Variants in RUNDC3B observed in about 807,000 individuals in gnomAD.
RUNDC3B encodes the protein RUN domain-containing protein 3B.
Under a neutral mutation model 58.4 loss-of-function variants are expected in RUNDC3B, and 33 were observed. The ratio of observed to expected loss-of-function variants is 0.56; its 90% confidence interval spans 0.43 to 0.75. The LOEUF is 0.75. Among genes scored for constraint, RUNDC3B ranks in the 30% least tolerant of loss-of-function variants. RUNDC3B has a pLI of 0.00. For synonymous variants in RUNDC3B, 193 were observed against 195.2 expected (o/e 0.99, Z 0.10); for missense variants, 501 against 535.7 (o/e 0.94, Z 0.64).
chr7:87,678,666 A>G (rs991180459), intron 2 of RUNDC3B, among the ~76,000 whole-genome samples: 25 of 152,318 alleles, frequency 1.6e-4, no homozygotes, highest in Admixed American at 1.6e-3. Flanking sequence ...ACTGGGTAAA[A>G]AAAGGACTCA....
intron 2 of RUNDC3B, among the ~76,000 whole-genome samples, chr7:87,671,087 C>T (rs1373459657): frequency 3.9e-5 from 6 of 152,178 alleles, no homozygotes; most frequent in South Asian, 2.1e-4. Context: ...AGATATAGGT[C>T]AGCAGCCCCT....
At chr7:87,795,463 A>C (rs375911904) in intron 8 of RUNDC3B, among the ~76,000 whole-genome samples, 1 of 152,238 alleles carries the variant, frequency 6.6e-6, no homozygotes, top group Admixed American at 6.5e-5. Flanking sequence ...GCTTCTATCC[A>C]AAAGATAGGC....
Position 87,628,591 on chromosome 7 carries a change from GTGT to G in RUNDC3B, c.-232_-230del. 1.4e-5 allele frequency: 1 copy of G among 70,994 alleles called. No individual in the cohort carries two copies. The allele number at this position is 70,994 out of a possible 1,614,324, so 4.4% of individuals were successfully genotyped here. ...GGAGGTGGTGCGTGCGTGCGTGTGT[GTGT>G]GTGTGTGTGTGTGTGTGTGTGTGTG... is the stretch of plus-strand genomic sequence containing the variant. On this transcript the variant is annotated 5_prime_UTR_variant, in exon 1 of 11. Coordinates refer to ENST00000394654, the MANE Select transcript of RUNDC3B (RefSeq NM_001134405.2).
At chr7:87,793,336 A>G (rs188364284) in intron 8 of RUNDC3B, among the ~76,000 whole-genome samples, 65 of 152,192 alleles carry the variant, frequency 4.3e-4, no homozygotes, top group Admixed American at 7.2e-4. Context: ...TTCCAAATTC[A>G]TTCTGTGATA....
chr7:87,737,995 C>G (rs550932418), intron 4 of RUNDC3B, among the ~76,000 whole-genome samples: 2 of 151,978 alleles, frequency 1.3e-5, no homozygotes, highest in South Asian at 4.2e-4. Flanking sequence ...TACAAAGGTG[C>G]CATTAGAAAG....
chr7:87,773,275 A>T (rs1834386819), intron 7 of RUNDC3B, among the ~76,000 whole-genome samples: 2 of 149,830 alleles, frequency 1.3e-5, no homozygotes, highest in African/African-American at 4.9e-5. Context: ...GTGAGCGGAG[A>T]TCGCGCCACT....
intron 7 of RUNDC3B, among the ~76,000 whole-genome samples, chr7:87,773,322 C>G (rs1226405938): frequency 6.4e-4 from 37 of 58,172 alleles, no homozygotes; most frequent in Non-Finnish European, 1.1e-3. Context: ...GACTCCGTCT[C>G]AAAAAAAAAA....
chr7:87,708,221 T>C (rs1411470873), intron 3 of RUNDC3B, among the ~76,000 whole-genome samples: 2 of 152,190 alleles, frequency 1.3e-5, no homozygotes, highest in Admixed American at 6.5e-5. Flanking sequence ...TTTAAAAAGA[T>C]TAATGCAGTT....
chr7:87,709,384 G>T, intron 3 of RUNDC3B: 1 of 985,368 alleles, frequency 1.0e-6, no homozygotes, highest in South Asian at 4.7e-5. Flanking sequence ...CTACTGGCCA[G>T]CCAGTAGCTT....
chr7:87,743,378 T>C (rs1443957926), intron 6 of RUNDC3B, among the ~76,000 whole-genome samples: 1 of 152,232 alleles, frequency 6.6e-6, no homozygotes, highest in Non-Finnish European at 1.5e-5. Flanking sequence ...TTTAGTTCCT[T>C]AAGGAATCTC....
intron 2 of RUNDC3B, chr7:87,694,079 C>A (rs1828274219): frequency 2.0e-6 from 3 of 1,512,102 alleles, no homozygotes; most frequent in Non-Finnish European, 2.6e-6. Context: ...TTTTGTAAAG[C>A]CTTCTTTTTT....
chr7:87,780,775 AAGATAAGATGGATTGTGGGTATGT>A lies in RUNDC3B; in HGVS notation c.956+2823_956+2846del, dbSNP rs529008121. Among the ~76,000 whole-genome samples the A allele has an allele frequency of 3.2e-4, 48 of 152,286 alleles. No homozygotes were observed. In the East Asian group the frequency reaches 8.7e-3, roughly 28 times the overall value. On this transcript the variant is annotated intron_variant, in intron 8 of 10. Transcript: ENST00000394654. ...TTGCTTATTTTTGTCAACTTTGTCA[AAGATAAGATGGATTGTGGGTATGT>A]AGCTTTATTTCTAGGTTCTCTGTTC...
At chr7:87,765,646 G>A (rs1833938150) in intron 6 of RUNDC3B, among the ~76,000 whole-genome samples, 1 of 151,952 alleles carries the variant, frequency 6.6e-6, no homozygotes, top group African/African-American at 2.4e-5. Flanking sequence ...TTCCACTGTG[G>A]TCTGAGAAGA....
chr7:87,827,957 A>T (rs1837913991), intron 10 of RUNDC3B, among the ~76,000 whole-genome samples: 1 of 152,182 alleles, frequency 6.6e-6, no homozygotes, highest in Non-Finnish European at 1.5e-5. Context: ...GTTCCTGACC[A>T]TTCTGGGCAA....
intron 2 of RUNDC3B, among the ~76,000 whole-genome samples, chr7:87,690,890 A>T (rs530744275): frequency 1.1e-4 from 17 of 152,138 alleles, no homozygotes; most frequent in Non-Finnish European, 1.6e-4. Flanking sequence ...GTACATTTAT[A>T]TAAAGGTATC....
chr7:87,644,613 G>A (rs1313923232), intron 1 of RUNDC3B, among the ~76,000 whole-genome samples: 1 of 152,066 alleles, frequency 6.6e-6, no homozygotes, highest in East Asian at 1.9e-4. Context: ...TCCATATAAA[G>A]GGATATAACA....
chr7:87,787,942 G>A (rs1383077687), intron 8 of RUNDC3B, among the ~76,000 whole-genome samples: 4 of 152,118 alleles, frequency 2.6e-5, no homozygotes, highest in Non-Finnish European at 5.9e-5. Context: ...TTTGAGTTCT[G>A]ATTTCCAAAC....
At chr7:87,718,218 G>A (rs1830673788) in intron 4 of RUNDC3B, among the ~76,000 whole-genome samples, 3 of 152,146 alleles carry the variant, frequency 2.0e-5, no homozygotes, top group Non-Finnish European at 4.4e-5. Flanking sequence ...TCCTTTCCCT[G>A]TGGAATCATA....
intron 4 of RUNDC3B, among the ~76,000 whole-genome samples, chr7:87,720,650 A>T (rs12704367): frequency 1.5e-3 from 229 of 150,024 alleles, no homozygotes; most frequent in Middle Eastern, 3.4e-3. Context: ...CACCCAGGCC[A>T]GAGTGCAGTG....
Sources: gnomAD v4.1 joint callset for allele counts (sites outside exome capture counted in the v4.1 genomes callset) on GRCh38, gnomAD v4.1.1 for gene constraint, MANE v1.5 for transcripts, NCBI Gene and HGNC (gene_info 2026-07-23, HGNC 2026-07-21) for gene names.